The following CPS1 variants were observed in gnomAD, a reference collection of about 807,000 sequenced individuals.
The protein encoded by CPS1 is carbamoyl-phosphate synthase 1, also known as carbamoyl-phosphate synthase [ammonia], mitochondrial.
In CPS1, 109 loss-of-function variants were observed where a neutral mutation model predicts 174.6. That is an observed-to-expected ratio of 0.62 (90% CI 0.53 to 0.73). CPS1 has a LOEUF of 0.73. Among genes scored for constraint, CPS1 ranks in the 30% least tolerant of loss-of-function variants. The pLI is 0.00. For synonymous variants in CPS1, 637 were observed against 632.0 expected (o/e 1.01, Z -0.12); for missense variants, 1,689 against 1,821.9 (o/e 0.93, Z 1.33).
At chr2:210,493,226 C>T (rs1408157907) in intron 1 of CPS1, among the ~76,000 whole-genome samples, 2 of 152,136 alleles carry the variant, frequency 1.3e-5, no homozygotes, top group African/African-American at 4.8e-5. Context: ...GTTCTCAGCT[C>T]ATCTTTTCAT....
At chr2:210,549,189 A>G (rs1030399722) in intron 1 of CPS1, among the ~76,000 whole-genome samples, 10 of 152,026 alleles carry the variant, frequency 6.6e-5, no homozygotes. Context: ...ATAGATAACC[A>G]TCTACCTCAC....
intron 36 of CPS1, 50 bp downstream of exon 36, chr2:210,675,890 G>T: frequency 3.4e-6 from 3 of 884,450 alleles, no homozygotes; most frequent in South Asian, 2.6e-5. Context: ...GATTAACTTT[G>T]AGAACCAGTA....
chr2:210,495,856 A>G (rs909055199), intron 1 of CPS1, among the ~76,000 whole-genome samples: 9 of 151,784 alleles, frequency 5.9e-5, no homozygotes, highest in African/African-American at 9.7e-5. Flanking sequence ...GTGACTGTGT[A>G]TGTGTGTGTG....
rs1235546293 is a variant in CPS1, at chr2:210,656,692, G to T, written c.3666+60G>T. 4 of 1,132,222 alleles carry T rather than the reference G, an allele frequency of 3.5e-6. No homozygotes were observed. The East Asian group carries it at 7.3e-5, about 21-fold the overall frequency. 70.1% of individuals were successfully genotyped at this position (1,132,222 alleles called of 1,614,324 possible). A position where few individuals can be genotyped will look rare whatever the true frequency, so the allele number is the denominator to read the frequency against. On this transcript the variant is annotated intron_variant, in intron 30 of 37. Coordinates refer to ENST00000233072, the MANE Select transcript of CPS1 (RefSeq NM_001875.5). Reference sequence around the variant, plus strand: ...GCAACACTCAGAAAAAAACACCTAAGGTTTTTTTTTTTTTTTTAAAGCTAG... The same window carrying T: ...GCAACACTCAGAAAAAAACACCTAATGTTTTTTTTTTTTTTTTAAAGCTAG...
chr2:210,506,466 A>G (rs933844986), intron 1 of CPS1, among the ~76,000 whole-genome samples: 1 of 152,162 alleles, frequency 6.6e-6, no homozygotes, highest in African/African-American at 2.4e-5. Context: ...AAATTCTAAA[A>G]TCAGAGCGCC....
intron 1 of CPS1, among the ~76,000 whole-genome samples, chr2:210,530,921 CA>C (rs1166082984): frequency 1.3e-5 from 2 of 151,794 alleles, no homozygotes; most frequent in Non-Finnish European, 2.9e-5. Flanking sequence ...TAATTATGCA[CA>C]GTAAGCTTGG....
chr2:210,645,775 A>G (rs1700360317), intron 25 of CPS1, among the ~76,000 whole-genome samples: 1 of 152,112 alleles, frequency 6.6e-6, no homozygotes, highest in South Asian at 2.1e-4. Context: ...CAAGCTCTAT[A>G]CATGTATTTG....
intron 21 of CPS1, among the ~76,000 whole-genome samples, chr2:210,626,155 C>T (rs576375362): frequency 4.6e-5 from 7 of 152,208 alleles, no homozygotes; most frequent in South Asian, 2.1e-4. Flanking sequence ...ATAGAGTTCA[C>T]TGTGGCATAA....
intron 15 of CPS1, 134 bp downstream of exon 15, chr2:210,600,846 GT>G: frequency 9.7e-7 from 1 of 1,031,750 alleles, no homozygotes; most frequent in Non-Finnish European, 1.4e-6. Flanking sequence ...TGTGTTAATA[GT>G]TTAGAAATAT....
chr2:210,522,212 T>A (rs6752320), intron 1 of CPS1, among the ~76,000 whole-genome samples: 30,783 of 151,938 alleles, frequency 0.2, 3,657 homozygotes, highest in Middle Eastern at 0.32. Flanking sequence ...ATATTCTGGA[T>A]ACATGTCTTT....
intron 15 of CPS1, among the ~76,000 whole-genome samples, 194 bp from the exon 16 acceptor site, chr2:210,602,008 T>G (rs962934950): frequency 2.0e-5 from 3 of 152,014 alleles, no homozygotes; most frequent in African/African-American, 7.2e-5. Flanking sequence ...ATATATATCC[T>G]CCCTTCTAGA....
At position 210,549,392 on chromosome 2, in the gene CPS1, A is replaced by G. The variant is rs562448764; in HGVS notation, c.4-7327A>G. On this transcript the variant is annotated intron_variant, in intron 1 of 38. Transcript: ENST00000430249. ...TTCTTAACAGTATTTGCTATTTAGA[A>G]TGAATGTTGTCTAATTATTTAGCCA... 4.6e-5 allele frequency among the ~76,000 whole-genome samples: 7 copies of G among 152,150 alleles called. No individual in the cohort carries two copies. The South Asian group carries it at 1.4e-3, about 32-fold the overall frequency.
At chr2:210,629,470 A>T (rs952740108) in intron 21 of CPS1, among the ~76,000 whole-genome samples, 3 of 151,504 alleles carry the variant, frequency 2.0e-5, no homozygotes, top group Admixed American at 2.0e-4. Flanking sequence ...GCCTGCCACC[A>T]CGCCCAGCTA....
intron 1 of CPS1, among the ~76,000 whole-genome samples, chr2:210,534,510 G>A (rs975695379): frequency 6.6e-6 from 1 of 152,188 alleles, no homozygotes; most frequent in Non-Finnish European, 1.5e-5. Context: ...GCAGTATGTA[G>A]CATTGATTGC....
At chr2:210,548,191 CT>C (rs1343213544) in intron 1 of CPS1, among the ~76,000 whole-genome samples, 1 of 151,794 alleles carries the variant, frequency 6.6e-6, no homozygotes, top group Admixed American at 6.6e-5. Context: ...TATTGTGTAC[CT>C]TTGTTTCTCT....
chr2:210,558,507 A>G (rs1193439679), intron 1 of CPS1, among the ~76,000 whole-genome samples: 1 of 152,074 alleles, frequency 6.6e-6, no homozygotes, highest in Non-Finnish European at 1.5e-5. Flanking sequence ...ATCAGTTCAG[A>G]GAAAATCAAT....
chr2:210,513,962 GT>G (rs1189331846), intron 1 of CPS1, among the ~76,000 whole-genome samples: 1 of 151,950 alleles, frequency 6.6e-6, no homozygotes, highest in Non-Finnish European at 1.5e-5. Context: ...CCCATTGCTT[GT>G]TTTTGTTGAG....
In CPS1 at chr2:210,642,533, G is replaced by A; in HGVS notation, c.3009G>A (p.Leu1003=). 6.2e-7 allele frequency: 1 copy of A among 1,613,982 alleles called. No individual in the cohort carries two copies. The highest frequency in any genetic ancestry group is 8.5e-7 in the Non-Finnish European group (1 of 1,179,894). ...GTGCTGTCTCTAGTATCCGCACACT[G>A]CGTCAACTTGGCAAGAAGACGGTGG... ...DWCAVSSIRT[L]RQLGKKTVVV... The change falls in exon 25 of 38, where the codon CTG becomes CTA. Residue 1003 remains leucine (L), a synonymous_variant. Coordinates refer to ENST00000233072, the MANE Select transcript of CPS1 (RefSeq NM_001875.5).
At position 210,658,288 on chromosome 2, in the gene CPS1, C is replaced by T. The variant is rs10170142; in HGVS notation, c.3667-311C>T. ...AGTTTCTGGTGCTAAGGCAACTAGA[C>T]TGAAAGGATTTCATTTAACCCTCAA... On this transcript the variant is annotated intron_variant, in intron 30 of 37. Transcript: ENST00000233072. 512 of 351,464 alleles carry T rather than the reference C, an allele frequency of 1.5e-3. 4 individuals are homozygous for T. Among genetic ancestry groups the T allele is most frequent in the African/African-American group, 9.8e-3 (460 of 47,126 alleles). The allele number at this position is 351,464 out of a possible 1,614,324, so 21.8% of individuals were successfully genotyped here. A position where few individuals can be genotyped will look rare whatever the true frequency, so the allele number is the denominator to read the frequency against.
Sources: gnomAD v4.1 joint callset for allele counts (sites outside exome capture counted in the v4.1 genomes callset) on GRCh38, gnomAD v4.1.1 for gene constraint, MANE v1.5 for transcripts, NCBI Gene and HGNC (gene_info 2026-07-23, HGNC 2026-07-21) for gene names.